Variants in JPH2 observed in about 807,000 individuals in gnomAD.
JPH2 encodes the protein junctophilin 2.
A neutral mutation model predicts 55.9 loss-of-function variants in JPH2; 38 were observed. The observed-to-expected ratio is 0.68, with a 90% CI of 0.52 to 0.89. The LOEUF (loss-of-function observed/expected upper bound fraction) is 0.89. Among genes scored for constraint, JPH2 ranks in the 40% least tolerant of loss-of-function variants. JPH2 has a pLI of 0.00. For missense variants in JPH2, 964 were observed against 1,037.6 expected, an observed-to-expected ratio of 0.93 and a Z score of 0.97; for synonymous variants, 480 against 472.4, an observed-to-expected ratio of 1.02 and a Z score of -0.21.
Position 44,110,573 on chromosome 20 carries a change from C to T in JPH2, c.*2945G>A, listed in dbSNP as rs961226044. Among the ~76,000 whole-genome samples the T allele has an allele frequency of 5.3e-5, 8 of 152,032 alleles. No homozygotes were observed. The highest frequency in any genetic ancestry group is 8.8e-5 in the Non-Finnish European group (6 of 68,004). On this transcript the variant is annotated 3_prime_UTR_variant, in exon 6 of 6. Coordinates refer to ENST00000372980, the MANE Select transcript of JPH2 (RefSeq NM_020433.5). ...CCAACTAGCTGGGTTTACAGGTACG[C>T]GCCACCACACTTGGCTAATTTTTGT...
chr20:44,127,269 T>A (rs188965508), intron 2 of JPH2, among the ~76,000 whole-genome samples: 142 of 152,346 alleles, frequency 9.3e-4, no homozygotes, highest in African/African-American at 3.3e-3. Flanking sequence ...GCTATGGACA[T>A]CTGTGTACAG....
In JPH2 at chr20:44,108,195, T is replaced by C. The variant is rs2072119289; in HGVS notation, c.*5323A>G. 6.6e-6 allele frequency among the ~76,000 whole-genome samples: 1 copy of C among 152,232 alleles called. No homozygotes were observed. ...TGGCCATACTTTGTCATACTGTTAC[T>C]TATCAATGCTGGCAAGGTAACAGAT... On this transcript the variant is annotated 3_prime_UTR_variant, in exon 6 of 6. Coordinates refer to ENST00000372980, the MANE Select transcript of JPH2 (RefSeq NM_020433.5).
chr20:44,115,851 C>T lies in JPH2; in HGVS notation c.1824G>A (p.Thr608=), dbSNP rs1427537234. 3.1e-6 allele frequency: 5 copies of T among 1,591,680 alleles called. No homozygotes were observed. Among genetic ancestry groups the T allele is most frequent in the Non-Finnish European group, 4.3e-6 (5 of 1,174,458 alleles). ...SPATAPLQAP[T]LRGPEPARET... ...CGCGTGCAGGCTCGGGGCCTCGGAG[C>T]GTGGGGGCCTGCAGCGGGGCGGTGG... is the stretch of plus-strand genomic sequence containing the variant. The change falls in exon 4 of 6, where the codon ACG becomes ACA. Residue 608 remains threonine (T), a synonymous_variant. Coordinates refer to ENST00000372980, the MANE Select transcript of JPH2 (RefSeq NM_020433.5).
At chr20:44,143,499 C>T (rs894815871) in intron 2 of JPH2, among the ~76,000 whole-genome samples, 11 of 152,208 alleles carry the variant, frequency 7.2e-5, no homozygotes, top group African/African-American at 2.7e-4. Flanking sequence ...CACTGGAGCC[C>T]GCATCCATCC....
intron 1 of JPH2, among the ~76,000 whole-genome samples, chr20:44,173,513 T>C (rs1600865771): frequency 1.3e-5 from 2 of 152,200 alleles, no homozygotes; most frequent in South Asian, 4.1e-4. Flanking sequence ...TTCAGAGACA[T>C]AAATTTAAAT....
intron 1 of JPH2, chr20:44,177,452 G>A (rs1429297271): frequency 1.0e-6 from 1 of 992,370 alleles, no homozygotes; most frequent in Non-Finnish European, 1.2e-6. Context: ...TGGCCAATCG[G>A]GCACATGAAT....
intron 2 of JPH2, among the ~76,000 whole-genome samples, chr20:44,135,146 C>G (rs969569): frequency 0.7 from 105,330 of 151,214 alleles, 36,744 homozygotes; most frequent in Admixed American, 0.77. Flanking sequence ...CGGATGTAAA[C>G]GTTCCTTCTT....
chr20:44,186,773 AAC>A lies in JPH2; in HGVS notation c.-70_-69del, dbSNP rs1462453986. 1.3e-6 allele frequency: 2 copies of A among 1,492,086 alleles called. No individual in the cohort carries two copies. Among genetic ancestry groups the A allele is most frequent in the Non-Finnish European group, 1.8e-6 (2 of 1,084,188 alleles). 92.4% of individuals were successfully genotyped at this position (1,492,086 alleles called of 1,614,324 possible). On this transcript the variant is annotated 5_prime_UTR_variant, in exon 1 of 6. Transcript: ENST00000372980. ...TGCAGAGGGCGTGGGTGATGCCTGC[AAC>A]ACTCCTCCAGTGCCCTCGGGGGCAG...
chr20:44,167,810 A>G (rs1178559825), intron 1 of JPH2, among the ~76,000 whole-genome samples: 1 of 152,124 alleles, frequency 6.6e-6, no homozygotes, highest in Non-Finnish European at 1.5e-5. Flanking sequence ...TGTTCATACA[A>G]CCCTTTGCAT....
Position 44,159,635 on chromosome 20 carries a change from G to C in JPH2, c.1152C>G (p.Ala384=). ...QRAAAIARQK[A]EIAASRTSHA... ...TGTCCTACCTGGAGGCGGCAATCTC[G>C]GCCTTCTGGCGCGCGATAGCAGCGG... is the stretch of plus-strand genomic sequence containing the variant. Residue 384 remains alanine, a synonymous_variant, in exon 2 of 6, where the codon GCC becomes GCG. Transcript: ENST00000372980. This position sits in a 1 kb window ranked among gnomAD's most constrained non-coding sequence, Gnocchi z 5.7. 3 of 1,604,476 alleles carry C rather than the reference G, an allele frequency of 1.9e-6. No individual in the cohort carries two copies. The highest frequency in any genetic ancestry group is 2.5e-6 in the Non-Finnish European group (3 of 1,179,692).
At chr20:44,158,172 C>G (rs1277996826) in intron 2 of JPH2, among the ~76,000 whole-genome samples, 1 of 152,208 alleles carries the variant, frequency 6.6e-6, no homozygotes, top group Non-Finnish European at 1.5e-5. Flanking sequence ...GCTCTAAGGA[C>G]AGAACGGCAG....
Position 44,118,499 on chromosome 20 carries a change from C to G in JPH2, c.1288+6G>C. The G allele has an allele frequency of 6.2e-7, 1 of 1,607,952 alleles. No homozygotes were observed. Among genetic ancestry groups the G allele is most frequent in the Non-Finnish European group, 8.5e-7 (1 of 1,176,060 alleles). On this transcript the variant is annotated splice_donor_region_variant and intron_variant, in intron 3 of 5. Transcript: ENST00000372980. The stretch of plus-strand genomic sequence containing the variant: ...ACCCTGCCCATCCTTCCCTGGCTGG[C>G]CCTACCTGGCTGGTAGAAGTCCGGA...
chr20:44,160,277 G>A lies in JPH2; in HGVS notation c.510C>T (p.His170=). The stretch of plus-strand genomic sequence containing the variant: ...AGTCCGGGGCCACCGTGCCGTTGCT[G>A]TGCTCGCTGCGCAGGGACGACAGCG... ...RTSLSSLRSE[H]SNGTVAPDSP... is the part of the protein sequence containing the mutation. Residue 170 remains histidine (H), a synonymous_variant, in exon 2 of 6, where the codon CAC becomes CAT. Transcript: ENST00000372980. The surrounding 1 kb of genome is among the most constrained non-coding windows in gnomAD (Gnocchi z 4.9). The A allele has an allele frequency of 6.5e-7, 1 of 1,536,118 alleles. No individual in the cohort carries two copies. The highest frequency in any genetic ancestry group is 8.7e-7 in the Non-Finnish European group (1 of 1,143,958).
At chr20:44,150,929 C>A (rs897612385) in intron 2 of JPH2, among the ~76,000 whole-genome samples, 10 of 152,092 alleles carry the variant, frequency 6.6e-5, no homozygotes, top group Admixed American at 6.6e-4. Context: ...ACTTGGGAGG[C>A]TGAGATGGGA....
Position 44,176,010 on chromosome 20 carries a change from C to T in JPH2, c.379+10317G>A, listed in dbSNP as rs189047175. On this transcript the variant is annotated intron_variant, in intron 1 of 5. Transcript: ENST00000372980. The stretch of plus-strand genomic sequence containing the variant: ...TCCTGACCCTTCCTCCTCAAACCCT[C>T]ACCCCATCTCAGTTCATGGCAACAC... Among the ~76,000 whole-genome samples, 22 of 152,330 alleles carry T rather than the reference C, an allele frequency of 1.4e-4. No homozygotes were observed. In the East Asian group the frequency reaches 4.2e-3, roughly 29 times the overall value.
intron 1 of JPH2, among the ~76,000 whole-genome samples, chr20:44,167,129 G>C (rs967305362): frequency 3.2e-4 from 48 of 152,168 alleles, no homozygotes; most frequent in African/African-American, 1.1e-3. Flanking sequence ...AAGATTTCTT[G>C]AGCCCCATTC....
At chr20:44,142,329 A>C (rs1420962873) in intron 2 of JPH2, among the ~76,000 whole-genome samples, 1 of 152,120 alleles carries the variant, frequency 6.6e-6, no homozygotes, top group Non-Finnish European at 1.5e-5. Flanking sequence ...AGTTAACTTA[A>C]ATGGCCACAG....
intron 1 of JPH2, among the ~76,000 whole-genome samples, chr20:44,162,574 G>A (rs2145881465): frequency 6.6e-6 from 1 of 151,562 alleles, no homozygotes; most frequent in African/African-American, 2.4e-5. Context: ...GACTGGCTTA[G>A]CCTCCCAGCC....
At chr20:44,125,846 G>A (rs1214246273) in intron 2 of JPH2, among the ~76,000 whole-genome samples, 1 of 152,060 alleles carries the variant, frequency 6.6e-6, no homozygotes, top group East Asian at 1.9e-4. Context: ...ATGATGTGAG[G>A]AGTAAATTAG....
Sources: allele counts gnomAD v4.1 joint callset (sites outside exome capture counted in the v4.1 genomes callset), GRCh38; gene constraint gnomAD v4.1.1; non-coding constraint Gnocchi (gnomAD v3.1); transcripts MANE v1.5; gene names NCBI Gene and HGNC (gene_info 2026-07-23, HGNC 2026-07-21).